Variants in SEC14L1 observed in about 807,000 individuals in gnomAD.
SEC14L1 encodes the protein SEC14 like lipid binding 1, also known as SEC14-like protein 1.
SEC14L1 carries 48 observed loss-of-function variants against 85.3 expected under a neutral mutation model. That is an observed-to-expected ratio of 0.56 (90% CI 0.45 to 0.72). The LOEUF is 0.72. SEC14L1 is among the 30% of genes least tolerant of loss of function. SEC14L1 has a pLI of 0.00. For missense variants in SEC14L1, 682 were observed against 921.4 expected (o/e 0.74, Z 3.36); for synonymous variants, 391 against 355.5 (o/e 1.10, Z -1.12).
At chr17:77,207,055 A>G (rs1976497451) in intron 13 of SEC14L1, among the ~76,000 whole-genome samples, 193 bp downstream of exon 13, 1 of 152,212 alleles carries the variant, frequency 6.6e-6, no homozygotes, top group Non-Finnish European at 1.5e-5. Flanking sequence ...TTGATACTGT[A>G]CATTTCTTCA....
chr17:77,211,798 C>A, intron 14 of SEC14L1, 152 bp from the exon 15 acceptor site: 1 of 955,466 alleles, frequency 1.0e-6, no homozygotes, highest in Non-Finnish European at 1.6e-6. Flanking sequence ...TGGTGTGTGA[C>A]TCTGGGGAAA....
chr17:77,210,658 A>G (rs182397335), intron 14 of SEC14L1: 1 of 152,316 alleles, frequency 6.6e-6, no homozygotes, highest in East Asian at 1.9e-4. Context: ...TTACTTGTAG[A>G]TACATACATA....
chr17:77,105,850 T>A (rs1431479565), intron 3 of SEC14L1, among the ~76,000 whole-genome samples: 1 of 152,082 alleles, frequency 6.6e-6, no homozygotes, highest in African/African-American at 2.4e-5. Context: ...AGGTGATTGC[T>A]TATCCTGGTG....
chr17:77,130,528 G>A (rs1972580728), intron 3 of SEC14L1, among the ~76,000 whole-genome samples: 1 of 152,090 alleles, frequency 6.6e-6, no homozygotes, highest in South Asian at 2.1e-4. Context: ...TCACCATGTT[G>A]GCCAAGCTGT....
chr17:77,178,058 C>CA (rs1404253858), intron 3 of SEC14L1, among the ~76,000 whole-genome samples: 1 of 136,490 alleles, frequency 7.3e-6, no homozygotes, highest in African/African-American at 3.1e-5. Flanking sequence ...CTTCCCCTCC[C>CA]CCCCCCCTTT....
intron 3 of SEC14L1, among the ~76,000 whole-genome samples, chr17:77,157,769 G>T (rs1055197906): frequency 6.6e-6 from 1 of 151,954 alleles, no homozygotes; most frequent in African/African-American, 2.4e-5. Flanking sequence ...CTCGTGATGC[G>T]TCTGCCTTGG....
At chr17:77,105,071 C>T (rs868088129) in intron 3 of SEC14L1, among the ~76,000 whole-genome samples, 2 of 152,066 alleles carry the variant, frequency 1.3e-5, no homozygotes, top group African/African-American at 4.8e-5. Flanking sequence ...CGGTTTCATT[C>T]TTTTGAGTTT....
chr17:77,182,018 TCTTA>T (rs1975060542), intron 3 of SEC14L1, among the ~76,000 whole-genome samples: 2 of 152,186 alleles, frequency 1.3e-5, no homozygotes, highest in African/African-American at 2.4e-5. Flanking sequence ...TAGTTAGTTG[TCTTA>T]CTTACTGGTT....
chr17:77,166,128 A>G (rs890298289), intron 3 of SEC14L1, among the ~76,000 whole-genome samples: 10 of 152,106 alleles, frequency 6.6e-5, no homozygotes, highest in Admixed American at 6.5e-5. Flanking sequence ...TGTTTTTGAG[A>G]TGAGATCTTG....
At chr17:77,148,350 TCTG>T (rs1041700650) in intron 3 of SEC14L1, among the ~76,000 whole-genome samples, 1 of 152,090 alleles carries the variant, frequency 6.6e-6, no homozygotes, top group African/African-American at 2.4e-5. Flanking sequence ...TGGTCTTTCT[TCTG>T]CTGAGGACAG....
upstream of SEC14L1, among the ~76,000 whole-genome samples, chr17:77,137,277 T>G (rs1045759309): frequency 5.9e-5 from 9 of 152,134 alleles, no homozygotes; most frequent in Admixed American, 3.3e-4. Flanking sequence ...CACAGGCTGT[T>G]CAGGAAGCAT....
At position 77,190,945 on chromosome 17, in the gene SEC14L1, T is replaced by C. The variant is rs1290490368; in HGVS notation, c.206T>C (p.Leu69Pro). 1 of 1,614,044 alleles carries C rather than the reference T, an allele frequency of 6.2e-7. No homozygotes were observed. The highest frequency in any genetic ancestry group is 1.1e-5 in the South Asian group (1 of 91,082). The change falls in exon 4 of 17, where the codon CTG becomes CCG. Residue 69 changes from leucine (L) to proline (P), a missense_variant. This residue lies in a region of SEC14L1 where 139 missense variants were observed against 201.3 expected (regional missense o/e 0.69). Coordinates refer to ENST00000436233, the MANE Select transcript of SEC14L1 (RefSeq NM_001143998.2). Reference protein sequence around the residue: ...CKLDVDAPRLLKKIAGVDYVY... With the variant: ...CKLDVDAPRLPKKIAGVDYVY... Reference sequence around the variant, plus strand: ...CTGGATGTAGATGCACCCAGACTGCTGAAGAAGGTAAAGGTCGGAAAGGAC... The same window carrying C: ...CTGGATGTAGATGCACCCAGACTGCCGAAGAAGGTAAAGGTCGGAAAGGAC...
At position 77,206,162 on chromosome 17, in the gene SEC14L1, G is replaced by C; in HGVS notation, c.1170-67G>C. 6.6e-7 allele frequency: 1 copy of C among 1,521,892 alleles called. No homozygotes were observed. Among genetic ancestry groups the C allele is most frequent in the Non-Finnish European group, 9.0e-7 (1 of 1,115,962 alleles). The allele number at this position is 1,521,892 out of a possible 1,614,324, so 94.3% of individuals were successfully genotyped here. On this transcript the variant is annotated intron_variant, in intron 11 of 16. Transcript: ENST00000436233. The surrounding 1 kb of genome is among the most constrained non-coding windows in gnomAD (Gnocchi z 4.3). ...ATAGCTATAAATGACCAAAAAGGAA[G>C]AAAATAAGACACAGTTTGCTAAGTG...
chr17:77,187,079 C>G lies in SEC14L1; in HGVS notation c.64-3724C>G, dbSNP rs939669991. ...ACTGATATGATGCTCAAAGGAAATG[C>G]TCATTGGAGCATTTTGGATTTCAGA... On this transcript the variant is annotated intron_variant, in intron 3 of 16. Coordinates refer to ENST00000436233, the MANE Select transcript of SEC14L1 (RefSeq NM_001143998.2). Among the ~76,000 whole-genome samples the G allele has an allele frequency of 2.0e-5, 3 of 152,138 alleles. No individual in the cohort carries two copies. In the East Asian group the frequency reaches 5.8e-4, roughly 29 times the overall value.
chr17:77,112,073 G>A (rs148441346), intron 3 of SEC14L1, among the ~76,000 whole-genome samples: 31 of 152,270 alleles, frequency 2.0e-4, no homozygotes, highest in East Asian at 1.5e-3. Flanking sequence ...GGCTGTTCTC[G>A]TGTTAGTGAG....
intron 3 of SEC14L1, among the ~76,000 whole-genome samples, chr17:77,170,351 G>A (rs994249639): frequency 7.9e-5 from 12 of 152,088 alleles, no homozygotes; most frequent in African/African-American, 2.7e-4. Context: ...CCTGACTGCC[G>A]TTTCAGTTTT....
rs1567891163 is a variant in SEC14L1, at chr17:77,143,634, A to G, written c.38A>G (p.Lys13Arg). The change falls in exon 3 of 17, where the codon AAA becomes AGA. Residue 13 changes from lysine to arginine, a missense_variant. Lys to Arg is a conservative substitution (Grantham distance 26, BLOSUM62 2). Coordinates refer to ENST00000436233, the MANE Select transcript of SEC14L1 (RefSeq NM_001143998.2). ...TACCAGTCCCCAGTGAGGGTGTACA[A>G]ATACCCCTTTGAATTAATTATGGCT... ...QKYQSPVRVY[K>R]YPFELIMAAY... The G allele has an allele frequency of 2.5e-6, 4 of 1,613,050 alleles. No homozygotes were observed. Among genetic ancestry groups the G allele is most frequent in the African/African-American group, 2.7e-5 (2 of 74,920 alleles).
At chr17:77,158,139 T>C (rs1466709970) in intron 3 of SEC14L1, among the ~76,000 whole-genome samples, 1 of 152,212 alleles carries the variant, frequency 6.6e-6, no homozygotes, top group East Asian at 1.9e-4. Context: ...CCACCCACCT[T>C]GGCCTTCCAA....
At position 77,165,403 on chromosome 17, in the gene SEC14L1, A is replaced by G. The variant is rs115016252; in HGVS notation, c.63+21744A>G. On this transcript the variant is annotated intron_variant, in intron 3 of 16. Transcript: ENST00000436233. ...GGAGACATCAGTCAGTATATGTAAG[A>G]TGTACATTGGTGCTGTCCAGAAAGG... Among the ~76,000 whole-genome samples the G allele has an allele frequency of 6.0e-3, 916 of 152,230 alleles. 2 individuals carry two copies. Among genetic ancestry groups the G allele is most frequent in the African/African-American group, 0.021 (866 of 41,542 alleles).
Sources: gnomAD v4.1 joint callset for allele counts (sites outside exome capture counted in the v4.1 genomes callset) on GRCh38, gnomAD v4.1.1 for gene constraint, gnomAD v4.1.1 regional missense constraint, Gnocchi (gnomAD v3.1) non-coding constraint, MANE v1.5 for transcripts, NCBI Gene and HGNC (gene_info 2026-07-23, HGNC 2026-07-21) for gene names.